Variants in TNRC6C observed in about 807,000 individuals in gnomAD.
The protein encoded by TNRC6C is trinucleotide repeat containing adaptor 6C.
Under a neutral mutation model 153.7 loss-of-function variants are expected in TNRC6C, and 20 were observed. That is an observed-to-expected ratio of 0.13 (90% confidence interval 0.09 to 0.19). The LOEUF (loss-of-function observed/expected upper bound fraction) is 0.19, where lower values mean the gene tolerates loss of function less well. Ranked by LOEUF, TNRC6C falls within the 10% of genes least tolerant of loss-of-function variation. TNRC6C has a pLI of 1.00. For synonymous variants in TNRC6C, 811 were observed against 841.4 expected (o/e 0.96, Z 0.63); for missense variants, 1,987 against 2,172.0 (o/e 0.91, Z 1.69).
At chr17:77,978,438 A>T (rs1351331841) in intron 1 of TNRC6C, among the ~76,000 whole-genome samples, 1 of 152,200 alleles carries the variant, frequency 6.6e-6, no homozygotes, top group Non-Finnish European at 1.5e-5. Context: ...TGTCAGACCA[A>T]CCCTGCCGCC....
chr17:78,087,116 C>T, intron 13 of TNRC6C, 23 bp downstream of exon 15: 3 of 1,609,738 alleles, frequency 1.9e-6, no homozygotes, highest in African/African-American at 2.7e-5. Flanking sequence ...TGGTCTTCAA[C>T]AGCCACATCA....
At chr17:77,981,739 T>G (rs923383897) in intron 1 of TNRC6C, among the ~76,000 whole-genome samples, 4 of 152,158 alleles carry the variant, frequency 2.6e-5, no homozygotes, top group Non-Finnish European at 5.9e-5. Flanking sequence ...TTTTAGTAAA[T>G]AATGTTTTAT....
intron 18 of TNRC6C, among the ~76,000 whole-genome samples, 159 bp from the exon 22 acceptor site, chr17:78,103,255 A>G (rs1055595948): frequency 1.3e-5 from 2 of 152,264 alleles, no homozygotes; most frequent in African/African-American, 2.4e-5. Flanking sequence ...CCACAGAGAT[A>G]TAAAACGTTA....
At chr17:78,069,415 T>A (rs990587464) in intron 5 of TNRC6C, among the ~76,000 whole-genome samples, 31 of 152,182 alleles carry the variant, frequency 2.0e-4, no homozygotes, top group African/African-American at 7.2e-4. Context: ...TTTAAAAAAA[T>A]TTTTTTAGAG....
upstream of TNRC6C, among the ~76,000 whole-genome samples, chr17:78,003,578 AAAC>A (rs925585879): frequency 2.0e-5 from 3 of 152,206 alleles, no homozygotes; most frequent in Non-Finnish European, 2.9e-5. Flanking sequence ...AACATAAGAG[AAAC>A]AACAAGTTAC....
intron 13 of TNRC6C, among the ~76,000 whole-genome samples, chr17:78,089,184 TCTCAAACTCCTGAC>T (rs2144531341): frequency 6.6e-6 from 1 of 151,978 alleles, no homozygotes; most frequent in South Asian, 2.1e-4. Context: ...GCCAGGCTGG[TCTCAAACTCCTGAC>T]CTCAAGTGAT....
chr17:78,095,589 T>G (rs1028843756), intron 16 of TNRC6C, among the ~76,000 whole-genome samples: 12 of 152,242 alleles, frequency 7.9e-5, no homozygotes, highest in African/African-American at 2.9e-4. Flanking sequence ...CCAGTTCATG[T>G]GGCTCATGCC....
At chr17:77,964,442 C>T (rs2070882742) in intron 1 of TNRC6C, among the ~76,000 whole-genome samples, 1 of 152,082 alleles carries the variant, frequency 6.6e-6, no homozygotes, top group South Asian at 2.1e-4. Context: ...AAGTTGGTGC[C>T]CAGGTGGTTA....
At chr17:78,088,771 T>C (rs1004633968) in intron 13 of TNRC6C, among the ~76,000 whole-genome samples, 2 of 151,998 alleles carry the variant, frequency 1.3e-5, no homozygotes, top group African/African-American at 2.4e-5. Flanking sequence ...TGGCCTAATA[T>C]GTAAAGTTCT....
chr17:78,108,786 A>AT (rs1555649239), exon 20 of TNRC6C: 1 of 152,198 alleles, frequency 6.6e-6, no homozygotes, highest in Non-Finnish European at 1.5e-5. Flanking sequence ...GTGGATATAT[A>AT]TTTTTTTAAG....
intron 1 of TNRC6C, among the ~76,000 whole-genome samples, chr17:78,011,245 C>A (rs1344854945): frequency 6.6e-6 from 1 of 152,144 alleles, no homozygotes; most frequent in Non-Finnish European, 1.5e-5. Flanking sequence ...TAAGTGTTGG[C>A]ATATATTCAC....
intron 7 of TNRC6C, among the ~76,000 whole-genome samples, chr17:78,074,144 A>C (rs1242580678): frequency 6.6e-6 from 1 of 152,154 alleles, no homozygotes; most frequent in African/African-American, 2.4e-5. Flanking sequence ...ATGAGACAGC[A>C]CCTCAGCACC....
chr17:77,988,177 C>G (rs2071199005), intron 1 of TNRC6C, among the ~76,000 whole-genome samples: 2 of 152,034 alleles, frequency 1.3e-5, no homozygotes, highest in Non-Finnish European at 2.9e-5. Context: ...CAGGGTGAGA[C>G]TCCGTCTCAA....
chr17:78,014,861 C>T lies in TNRC6C; in HGVS notation c.-546+9782C>T, dbSNP rs114732504. On this transcript the variant is annotated intron_variant, in intron 1 of 19. Coordinates refer to ENST00000301624, the Ensembl canonical transcript of TNRC6C. ...ACAGAAGGCACCACTTTGTATCCCT[C>T]CAGGACTGCTGATGAGCACAGCAGA... Among the ~76,000 whole-genome samples, 1,380 of 151,932 alleles carry T rather than the reference C, an allele frequency of 9.1e-3. 20 individuals carry two copies. Among genetic ancestry groups the T allele is most frequent in the African/African-American group, 0.032 (1,340 of 41,396 alleles).
At chr17:77,996,091 T>C (rs2071324146) in intron 1 of TNRC6C, among the ~76,000 whole-genome samples, 1 of 152,088 alleles carries the variant, frequency 6.6e-6, no homozygotes, top group Non-Finnish European at 1.5e-5. Context: ...ACAACAATCC[T>C]CCCATATTTG....
intron 1 of TNRC6C, among the ~76,000 whole-genome samples, chr17:77,988,766 C>A (rs2071208212): frequency 6.6e-6 from 1 of 152,136 alleles, no homozygotes; most frequent in South Asian, 2.1e-4. Context: ...AAATGAAGAA[C>A]AGTTAGTGGG....
intron 1 of TNRC6C, among the ~76,000 whole-genome samples, chr17:77,966,405 G>C (rs2070897133): frequency 6.6e-6 from 1 of 152,166 alleles, no homozygotes; most frequent in Admixed American, 6.5e-5. Context: ...CTACATACTG[G>C]TAGGGTCAAA....
intron 14 of TNRC6C, among the ~76,000 whole-genome samples, chr17:78,092,170 T>A (rs955518858): frequency 6.6e-6 from 1 of 152,216 alleles, no homozygotes; most frequent in Non-Finnish European, 1.5e-5. Context: ...CTGAACTTCC[T>A]GGTAGAATAA....
At chr17:78,082,253 A>G (rs941524107) in intron 10 of TNRC6C, among the ~76,000 whole-genome samples, 31 of 151,050 alleles carry the variant, frequency 2.1e-4, no homozygotes, top group African/African-American at 6.1e-4. Flanking sequence ...ATTTATTACT[A>G]AGTTTAGTGA....
Sources: gnomAD v4.1 joint callset for allele counts (sites outside exome capture counted in the v4.1 genomes callset) on GRCh38, gnomAD v4.1.1 for gene constraint, MANE v1.5 for transcripts, NCBI Gene and HGNC (gene_info 2026-07-23, HGNC 2026-07-21) for gene names.